Variants in LDB2 observed in about 807,000 individuals in gnomAD.
The protein encoded by LDB2 is LIM domain binding 2.
In LDB2, 12 loss-of-function variants were observed where a neutral mutation model predicts 44.3. The ratio of observed to expected loss-of-function variants is 0.27; its 90% CI spans 0.17 to 0.44. The LOEUF is 0.44. Ranked by LOEUF, LDB2 falls within the 20% of genes least tolerant of loss-of-function variation. LDB2 has a pLI of 1.00. For synonymous variants in LDB2, 164 were observed against 174.8 expected, an observed-to-expected ratio of 0.94 and a Z score of 0.49; for missense variants, 344 against 473.5, an observed-to-expected ratio of 0.73 and a Z score of 2.54.
chr4:16,690,878 G>C (rs537435685), intron 2 of LDB2, among the ~76,000 whole-genome samples: 2 of 152,228 alleles, frequency 1.3e-5, no homozygotes, highest in African/African-American at 2.4e-5. Flanking sequence ...CAGTTAAAAT[G>C]ACTCTGCAAT....
intron 2 of LDB2, among the ~76,000 whole-genome samples, chr4:16,613,653 GA>G (rs1356714320): frequency 2.0e-5 from 3 of 152,090 alleles, no homozygotes; most frequent in African/African-American, 7.2e-5. Flanking sequence ...AATCATGAAT[GA>G]ACTCCCAGTC....
intron 5 of LDB2, among the ~76,000 whole-genome samples, chr4:16,520,324 T>TC (rs1419647333): frequency 2.0e-5 from 3 of 147,630 alleles, no homozygotes; most frequent in Non-Finnish European, 4.5e-5. Context: ...AAGCAAATAA[T>TC]CCCCACTAAG....
At chr4:16,551,737 AAACTCCTGAC>A (rs1304827161) in intron 5 of LDB2, among the ~76,000 whole-genome samples, 3 of 152,076 alleles carry the variant, frequency 2.0e-5, no homozygotes, top group Non-Finnish European at 2.9e-5. Context: ...GACTGGTCTC[AAACTCCTGAC>A]CTCAGGTGAT....
intron 2 of LDB2, among the ~76,000 whole-genome samples, chr4:16,639,295 T>C (rs896801104): frequency 6.6e-6 from 1 of 152,128 alleles, no homozygotes; most frequent in African/African-American, 2.4e-5. Flanking sequence ...AACAATTGGG[T>C]CTATAGAAAT....
intron 1 of LDB2, among the ~76,000 whole-genome samples, chr4:16,777,348 A>C (rs375877650): frequency 1.1e-4 from 16 of 152,134 alleles, no homozygotes; most frequent in African/African-American, 3.9e-4. Context: ...GAGCCGAGGC[A>C]TGAGAGGATT....
chr4:16,528,575 C>A (rs1015393924), intron 5 of LDB2, among the ~76,000 whole-genome samples: 10 of 152,208 alleles, frequency 6.6e-5, no homozygotes, highest in Admixed American at 2.0e-4. Flanking sequence ...CGGTAAGCAA[C>A]CTGAGGGCAG....
chr4:16,697,145 C>T (rs1752301001), intron 2 of LDB2, among the ~76,000 whole-genome samples: 1 of 152,042 alleles, frequency 6.6e-6, no homozygotes. Context: ...TGTCTTTGGC[C>T]TAGGAACGGT....
chr4:16,655,814 C>T (rs922742015), intron 2 of LDB2, among the ~76,000 whole-genome samples: 1 of 149,618 alleles, frequency 6.7e-6, no homozygotes, highest in African/African-American at 2.5e-5. Flanking sequence ...AAAAAAGTCA[C>T]ATGTTTGTGC....
intron 2 of LDB2, among the ~76,000 whole-genome samples, chr4:16,729,042 G>T (rs753931435): frequency 6.6e-6 from 1 of 152,116 alleles, no homozygotes; most frequent in East Asian, 1.9e-4. Context: ...CATGAAAGAC[G>T]GTTCATGTCA....
rs562995429 is a variant in LDB2 at position 16,784,942 on chromosome 4, C to A, written c.133-25682G>T. Among the ~76,000 whole-genome samples, 4 of 152,202 alleles carry A rather than the reference C, an allele frequency of 2.6e-5. No homozygotes were observed. The East Asian group carries it at 5.8e-4, about 22-fold the overall frequency. The stretch of plus-strand genomic sequence containing the variant: ...CCCTTTGCTCTGCCACCCTTAAATA[C>A]CCTCCATTCTCCCACAGCACCTAGA... On this transcript the variant is annotated intron_variant, in intron 1 of 7. Coordinates refer to ENST00000304523, the MANE Select transcript of LDB2 (RefSeq NM_001290.5).
intron 2 of LDB2, among the ~76,000 whole-genome samples, chr4:16,623,771 C>G (rs918382877): frequency 1.2e-3 from 182 of 151,908 alleles, no homozygotes; most frequent in East Asian, 1.5e-3. Flanking sequence ...TACATACACA[C>G]ACACACACAC....
intron 2 of LDB2, among the ~76,000 whole-genome samples, chr4:16,688,058 A>C (rs1213558554): frequency 6.6e-6 from 1 of 152,234 alleles, no homozygotes; most frequent in East Asian, 1.9e-4. Flanking sequence ...AAAGAAAATA[A>C]GATACAAAGA....
chr4:16,654,865 T>C (rs1326244380), intron 2 of LDB2, among the ~76,000 whole-genome samples: 1 of 152,198 alleles, frequency 6.6e-6, no homozygotes, highest in Non-Finnish European at 1.5e-5. Flanking sequence ...CACGTTAACT[T>C]CCCTTCAATT....
At chr4:16,805,551 TAG>T (rs1403871415) in intron 1 of LDB2, among the ~76,000 whole-genome samples, 1 of 151,676 alleles carries the variant, frequency 6.6e-6, no homozygotes, top group African/African-American at 2.4e-5. Context: ...TTGATTGGAG[TAG>T]AGAGAAAATC....
At chr4:16,604,778 A>G (rs1319762883) in intron 2 of LDB2, among the ~76,000 whole-genome samples, 1 of 152,134 alleles carries the variant, frequency 6.6e-6, no homozygotes, top group Non-Finnish European at 1.5e-5. Context: ...CTTTTCAGCA[A>G]TAAAGCAATT....
chr4:16,746,494 G>C (rs1764415601), intron 2 of LDB2, among the ~76,000 whole-genome samples: 1 of 152,134 alleles, frequency 6.6e-6, no homozygotes, highest in Non-Finnish European at 1.5e-5. Context: ...TTTAAAAATG[G>C]GAAAATAGGT....
At chr4:16,695,419 C>T (rs567805347) in intron 2 of LDB2, among the ~76,000 whole-genome samples, 12 of 150,256 alleles carry the variant, frequency 8.0e-5, no homozygotes, top group Admixed American at 2.6e-4. Flanking sequence ...GAGATCACAC[C>T]GCTGCACTCC....
intron 2 of LDB2, among the ~76,000 whole-genome samples, chr4:16,649,120 T>C (rs968913050): frequency 1.6e-4 from 24 of 152,238 alleles, no homozygotes; most frequent in African/African-American, 5.8e-4. Context: ...TTCACTTCTT[T>C]ATATCTGCTC....
At chr4:16,586,506 ACACACACACACACACAC>A (rs1212170059) in intron 4 of LDB2, among the ~76,000 whole-genome samples, 7 of 136,566 alleles carry the variant, frequency 5.1e-5, no homozygotes, top group Non-Finnish European at 1.2e-4. Flanking sequence ...ACACACACAC[ACACACACACACACACAC>A]ACAAAACACA....
Sources: gnomAD v4.1 joint callset for allele counts (sites outside exome capture counted in the v4.1 genomes callset) on GRCh38, gnomAD v4.1.1 for gene constraint, MANE v1.5 for transcripts, NCBI Gene and HGNC (gene_info 2026-07-23, HGNC 2026-07-21) for gene names.